SLF2: variants seen among roughly 807,000 people sequenced by gnomAD.
SLF2 encodes SMC5/6 complex localization factor 2.
A neutral mutation model predicts 124.3 loss-of-function variants in SLF2; 68 were observed. The observed-to-expected ratio is 0.55, with a 90% confidence interval of 0.45 to 0.67. SLF2 has a LOEUF of 0.67. Among genes scored for constraint, SLF2 ranks in the 30% least tolerant of loss-of-function variants. The pLI is 0.00. For missense variants in SLF2, 1,246 were observed against 1,373.7 expected (o/e 0.91, Z 1.47); for synonymous variants, 480 against 478.8 (o/e 1.00, Z -0.03).
chr10:100,933,899 G>A (rs1036139703), intron 9 of SLF2, among the ~76,000 whole-genome samples: 3 of 152,166 alleles, frequency 2.0e-5, no homozygotes, highest in Non-Finnish European at 4.4e-5. Flanking sequence ...GGCTGGCCTC[G>A]AACTCCTGGC....
chr10:100,939,018 T>C (rs1849918191), intron 11 of SLF2, among the ~76,000 whole-genome samples: 1 of 152,094 alleles, frequency 6.6e-6, no homozygotes, highest in South Asian at 2.1e-4. Context: ...CCAAAGTAAT[T>C]AGACAAGAGA....
chr10:100,949,093 G>A (rs1850162458), intron 15 of SLF2, among the ~76,000 whole-genome samples: 1 of 152,200 alleles, frequency 6.6e-6, no homozygotes, highest in South Asian at 2.1e-4. Flanking sequence ...ATCGAAGCAT[G>A]CACGAGATGC....
intron 9 of SLF2, among the ~76,000 whole-genome samples, chr10:100,935,859 CTTTTTTTTTTTT>C (rs556164456): frequency 2.0e-5 from 2 of 99,342 alleles, no homozygotes; most frequent in South Asian, 7.2e-4. Flanking sequence ...TTTTTTTTTT[CTTTTTTTTTTTT>C]TTTTTGAGAC....
chr10:100,916,015 G>A lies in SLF2; in HGVS notation c.157G>A (p.Asp53Asn), dbSNP rs1476078496. The A allele has an allele frequency of 1.2e-6, 2 of 1,611,726 alleles. No individual in the cohort carries two copies. The highest frequency in any genetic ancestry group is 1.7e-6 in the Non-Finnish European group (2 of 1,178,658). The change falls in exon 2 of 20, where the codon GAT becomes AAT. Residue 53 changes from aspartate to asparagine, a missense_variant. Physicochemically the swap from Asp to Asn is conservative, Grantham distance 23. Coordinates refer to ENST00000238961, the MANE Select transcript of SLF2 (RefSeq NM_018121.4). ...SPGDRKQSII[D>N]FFKPASKQDR... ...TATTTTCAGGAAGCAGTCAATTATA[G>A]ATTTCTTCAAACCAGCTTCAAAACA... is the stretch of plus-strand genomic sequence containing the variant.
intron 9 of SLF2, among the ~76,000 whole-genome samples, chr10:100,934,309 A>G (rs1377875024): frequency 6.6e-6 from 1 of 152,214 alleles, no homozygotes; most frequent in Non-Finnish European, 1.5e-5. Flanking sequence ...CCCAATCTCA[A>G]CTGATAGACA....
Position 100,947,083 on chromosome 10 carries a change from C to G in SLF2, c.2979C>G (p.Pro993=). 1.2e-6 allele frequency: 2 copies of G among 1,611,430 alleles called. No individual in the cohort carries two copies. The highest frequency in any genetic ancestry group is 2.7e-5 in the African/African-American group (2 of 74,748). Residue 993 remains proline (P), a synonymous_variant, in exon 14 of 20, where the codon CCC becomes CCG. Coordinates refer to ENST00000238961, the MANE Select transcript of SLF2 (RefSeq NM_018121.4). ...GCATAAATGAACTCTCCAGTCATCC[C>G]CACAACCTCCTGTGGTTGGTACAGC... The part of the protein sequence containing the change: ...CLGINELSSH[P]HNLLWLVQLV...
chr10:100,934,018 T>G (rs1352343746), intron 9 of SLF2, among the ~76,000 whole-genome samples: 1 of 152,240 alleles, frequency 6.6e-6, no homozygotes, highest in Non-Finnish European at 1.5e-5. Flanking sequence ...AGAATCTGTT[T>G]GAGTGAACAG....
intron 9 of SLF2, among the ~76,000 whole-genome samples, chr10:100,937,059 T>C (rs1305664325): frequency 6.6e-6 from 1 of 152,164 alleles, no homozygotes; most frequent in Non-Finnish European, 1.5e-5. Flanking sequence ...CCTTTATTTT[T>C]ATTTTATCTT....
chr10:100,944,299 T>C (rs891252058), intron 12 of SLF2, among the ~76,000 whole-genome samples, 171 bp downstream of exon 12: 3 of 151,758 alleles, frequency 2.0e-5, no homozygotes, highest in Non-Finnish European at 2.9e-5. Context: ...ATCGAGACCA[T>C]CCTGGCTAAC....
intron 16 of SLF2, 90 bp from the exon 17 acceptor site, chr10:100,950,586 C>T: frequency 8.9e-7 from 1 of 1,120,514 alleles, no homozygotes; most frequent in East Asian, 2.4e-5. Context: ...TATCCTTTAT[C>T]CTTCCTGGGC....
chr10:100,926,587 C>A, intron 6 of SLF2: 1 of 171,812 alleles, frequency 5.8e-6, no homozygotes, highest in Non-Finnish European at 1.2e-5. Context: ...ATCTGGGTGA[C>A]AGAATAAGAC....
In SLF2 at chr10:100,913,063, C is replaced by T. The variant is rs1849345545; in HGVS notation, c.-48C>T. The T allele has an allele frequency of 1.3e-6, 2 of 1,597,226 alleles. No individual in the cohort carries two copies. The highest frequency in any genetic ancestry group is 1.3e-5 in the African/African-American group (1 of 74,286). ...CAGCAGCAAGACGGCAACCACGCAC[C>T]CAACTTCTCCAGCCACGGCTCATGC... On this transcript the variant is annotated 5_prime_UTR_variant, in exon 1 of 20. Coordinates refer to ENST00000238961, the MANE Select transcript of SLF2 (RefSeq NM_018121.4).
At chr10:100,953,745 TG>T (rs1462925354) in intron 17 of SLF2, among the ~76,000 whole-genome samples, 1 of 151,938 alleles carries the variant, frequency 6.6e-6, no homozygotes, top group African/African-American at 2.4e-5. Flanking sequence ...CTCCGTCTCT[TG>T]GGTTCAAGTG....
intron 8 of SLF2, among the ~76,000 whole-genome samples, chr10:100,930,603 A>G (rs997359163): frequency 6.6e-6 from 1 of 152,242 alleles, no homozygotes; most frequent in Non-Finnish European, 1.5e-5. Context: ...TCTCCACCAC[A>G]GTGCCCAAAC....
chr10:100,940,767 C>G (rs921576344), intron 11 of SLF2, among the ~76,000 whole-genome samples: 2 of 126,908 alleles, frequency 1.6e-5, no homozygotes, highest in African/African-American at 6.0e-5. Flanking sequence ...CCACTTCTCC[C>G]CCTTCCCCTG....
chr10:100,942,805 C>A (rs141125057), intron 11 of SLF2, among the ~76,000 whole-genome samples: 36 of 152,328 alleles, frequency 2.4e-4, no homozygotes, highest in South Asian at 6.2e-4. Flanking sequence ...AAGCGTGAGC[C>A]ACCATGCCCA....
intron 8 of SLF2, 74 bp downstream of exon 8, chr10:100,930,071 C>T (rs1464814986): frequency 2.4e-5 from 23 of 952,236 alleles, no homozygotes; most frequent in Middle Eastern, 3.5e-4. Context: ...CTCACGTAAT[C>T]TTCTAAAAGG....
chr10:100,940,058 T>C (rs1265019899), intron 11 of SLF2, among the ~76,000 whole-genome samples: 1 of 152,268 alleles, frequency 6.6e-6, no homozygotes, highest in Non-Finnish European at 1.5e-5. Context: ...ACTTACATTT[T>C]AAAAGTTACC....
In SLF2 at chr10:100,916,778, ACGT is replaced by A. The variant is rs746485906; in HGVS notation, c.396_398del (p.Arg133del). ...ATGAAGATCATGGTATACATGAGTC[ACGT>A]CGGCCTTGTCTGTCACTAGCCTCCA... On this transcript the variant is annotated inframe_deletion, in exon 3 of 20. Transcript: ENST00000238961. The A allele has an allele frequency of 6.2e-7, 1 of 1,613,350 alleles. No homozygotes were observed. The highest frequency in any genetic ancestry group is 1.1e-5 in the South Asian group (1 of 91,018).
Sources: gnomAD v4.1 joint callset for allele counts (sites outside exome capture counted in the v4.1 genomes callset) on GRCh38, gnomAD v4.1.1 for gene constraint, MANE v1.5 for transcripts, NCBI Gene and HGNC (gene_info 2026-07-23, HGNC 2026-07-21) for gene names.